SORCS1: variants seen among roughly 807,000 people sequenced by gnomAD.
The protein encoded by SORCS1 is VPS10 domain-containing receptor SorCS1.
SORCS1 carries 60 observed loss-of-function variants against 146.1 expected under a neutral mutation model. The observed-to-expected ratio is 0.41, with a 90% CI of 0.33 to 0.51. SORCS1 has a LOEUF of 0.51. SORCS1 is among the 20% of genes least tolerant of loss of function. The pLI, the probability that SORCS1 is intolerant of heterozygous loss-of-function variation, is 0.21. For synonymous variants in SORCS1, 637 were observed against 584.0 expected, an observed-to-expected ratio of 1.09 and a Z score of -1.31; for missense variants, 1,352 against 1,487.6, an observed-to-expected ratio of 0.91 and a Z score of 1.50.
chr10:106,872,997 A>AC (rs1447468856), intron 2 of SORCS1, among the ~76,000 whole-genome samples: 1 of 152,048 alleles, frequency 6.6e-6, no homozygotes, highest in African/African-American at 2.4e-5. Flanking sequence ...ATATGGTGAA[A>AC]CCCCATCTCT....
At chr10:107,170,890 G>A in the SORCS1 span, among the ~76,000 whole-genome samples, 1 of 152,206 alleles carries the variant, frequency 6.6e-6, no homozygotes, top group East Asian at 1.9e-4. Flanking sequence ...AGGCAGTACA[G>A]TGTGGGGCTT....
chr10:106,817,773 C>T (rs1264182778), intron 3 of SORCS1, among the ~76,000 whole-genome samples: 2 of 152,154 alleles, frequency 1.3e-5, no homozygotes, highest in Non-Finnish European at 2.9e-5. Flanking sequence ...AGACAGGGCC[C>T]TGTGTTATGC....
At chr10:106,707,189 ATTTT>A (rs3044946) in intron 7 of SORCS1, among the ~76,000 whole-genome samples, 1 of 145,156 alleles carries the variant, frequency 6.9e-6, no homozygotes, top group Non-Finnish European at 1.5e-5. Flanking sequence ...ATTTAATTTA[ATTTT>A]TTTTTTTTTT....
intron 6 of SORCS1, among the ~76,000 whole-genome samples, chr10:106,721,543 C>T (rs1305058952): frequency 6.6e-6 from 1 of 152,076 alleles, no homozygotes; most frequent in Admixed American, 6.6e-5. Context: ...TAAGGATATG[C>T]CTTTTTAAAA....
intron 2 of SORCS1, among the ~76,000 whole-genome samples, chr10:106,841,405 G>A (rs950857509): frequency 6.6e-6 from 1 of 152,058 alleles, no homozygotes; most frequent in East Asian, 2.0e-4. Context: ...AGGAGGTGGA[G>A]GTTGAAATGA....
rs57238882 is a variant in SORCS1, at chr10:106,731,292, CAAAAAAAAAAAA to C, written c.960-1190_960-1179del. On this transcript the variant is annotated intron_variant, in intron 5 of 25. Coordinates refer to ENST00000263054, the MANE Select transcript of SORCS1 (RefSeq NM_052918.5). The stretch of plus-strand genomic sequence containing the variant: ...TGGGTGACGGAGTGAGACTCCGTCT[CAAAAAAAAAAAA>C]AAAAAAAAAAAAAAAAAGTACTTAT... Among the ~76,000 whole-genome samples the C allele has an allele frequency of 6.2e-3, 148 of 23,766 alleles. No homozygotes were observed. The Middle Eastern group carries it at 0.1, about 17-fold the overall frequency. The allele number at this position is 23,766 out of a possible 152,430, so 15.6% of individuals were successfully genotyped here. A position where few individuals can be genotyped will look rare whatever the true frequency, so the allele number is the denominator to read the frequency against.
At chr10:106,840,655 C>CAT (rs1346404141) in intron 2 of SORCS1, among the ~76,000 whole-genome samples, 2 of 151,870 alleles carry the variant, frequency 1.3e-5, no homozygotes, top group African/African-American at 2.4e-5. Flanking sequence ...AACAGTATTG[C>CAT]ATGCTACAGA....
chr10:106,811,644 T>C (rs1414206884), intron 3 of SORCS1, among the ~76,000 whole-genome samples: 6 of 152,166 alleles, frequency 3.9e-5, no homozygotes, highest in Admixed American at 2.6e-4. Context: ...GGCATATCTT[T>C]AGGATTTTCA....
At chr10:107,141,292 A>G (rs994469049) in intron 1 of SORCS1, among the ~76,000 whole-genome samples, 6 of 152,176 alleles carry the variant, frequency 3.9e-5, no homozygotes, top group African/African-American at 1.4e-4. Flanking sequence ...AACTCAATGG[A>G]GGGGAGGGGC....
In SORCS1 at chr10:106,577,336, T is replaced by C; in HGVS notation, c.*84A>G. 6.2e-7 allele frequency: 1 copy of C among 1,611,172 alleles called. No homozygotes were observed. Among genetic ancestry groups the C allele is most frequent in the Admixed American group, 1.7e-5 (1 of 59,772 alleles). On this transcript the variant is annotated 3_prime_UTR_variant, in exon 26 of 26. Coordinates refer to ENST00000263054, the MANE Select transcript of SORCS1 (RefSeq NM_052918.5). ...AAAGGAAAGAAAAAAAACACAAAGT[T>C]AGTGGTCATGAAGGATGATGTACTT...
In SORCS1 at chr10:106,829,643, C is replaced by T. The variant is rs779219576; in HGVS notation, c.657G>A (p.Lys219=). 2 of 1,608,220 alleles carry T rather than the reference C, an allele frequency of 1.2e-6. No homozygotes were observed. The highest frequency in any genetic ancestry group is 1.1e-5 in the South Asian group (1 of 90,762). The part of the protein sequence containing the change: ...RSTDYGTTYE[K]LNDKVGLKTI... ...TTTTCAAACCAACTTTATCATTCAG[C>T]TTCTCATAGGTTGTTCCATAATCGG... Residue 219 remains lysine, a synonymous_variant, in exon 3 of 26, where the codon AAG becomes AAA. Coordinates refer to ENST00000263054, the MANE Select transcript of SORCS1 (RefSeq NM_052918.5).
At chr10:107,035,320 C>T (rs977424808) in intron 1 of SORCS1, among the ~76,000 whole-genome samples, 3 of 150,332 alleles carry the variant, frequency 2.0e-5, no homozygotes, top group Admixed American at 2.0e-4. Flanking sequence ...TAACATTACG[C>T]ATGGTTCTCT....
At chr10:107,021,648 G>T (rs1039507696) in intron 1 of SORCS1, among the ~76,000 whole-genome samples, 1 of 150,948 alleles carries the variant, frequency 6.6e-6, no homozygotes, top group African/African-American at 2.4e-5. Flanking sequence ...CTAAGAGCAA[G>T]TATGTTAGAG....
chr10:107,017,032 C>G (rs916944526), intron 1 of SORCS1, among the ~76,000 whole-genome samples: 1 of 152,102 alleles, frequency 6.6e-6, no homozygotes, highest in Non-Finnish European at 1.5e-5. Context: ...AAATGTGGAG[C>G]CACTGGAACT....
chr10:106,677,978 G>A lies in SORCS1; in HGVS notation c.1741-574C>T, dbSNP rs139966297. Among the ~76,000 whole-genome samples the A allele has an allele frequency of 5.6e-4, 86 of 152,250 alleles. No individual in the cohort carries two copies. In the East Asian group the frequency reaches 0.014, roughly 25 times the overall value. On this transcript the variant is annotated intron_variant, in intron 12 of 25. Coordinates refer to ENST00000263054, the MANE Select transcript of SORCS1 (RefSeq NM_052918.5). Reference sequence around the variant, plus strand: ...AGATGTTCCACCAAAATCATGGTGAGTTCTGTTGTCATCTTTGGGTACATG... The same window carrying A: ...AGATGTTCCACCAAAATCATGGTGAATTCTGTTGTCATCTTTGGGTACATG...
intron 1 of SORCS1, among the ~76,000 whole-genome samples, chr10:106,975,889 T>C (rs747053987): frequency 1.3e-5 from 2 of 152,178 alleles, no homozygotes; most frequent in Non-Finnish European, 2.9e-5. Flanking sequence ...GGCTCACACC[T>C]GTAATCCCAG....
intron 23 of SORCS1, among the ~76,000 whole-genome samples, chr10:106,603,195 C>T (rs779424800): frequency 6.6e-6 from 1 of 152,178 alleles, no homozygotes; most frequent in Non-Finnish European, 1.5e-5. Flanking sequence ...TTATTCACCC[C>T]TGAGGACTCC....
intron 3 of SORCS1, among the ~76,000 whole-genome samples, chr10:106,787,906 G>A (rs978863146): frequency 6.6e-6 from 1 of 152,186 alleles, no homozygotes; most frequent in African/African-American, 2.4e-5. Context: ...ATAAGTTCAT[G>A]AAGATACTGT....
rs866450003 is a variant in SORCS1 at position 106,658,880 on chromosome 10, G to T, written c.2304-6327C>A. ...AAAAAGCAGTAGTGGTGGCAGCCTA[G>T]ATTTCCTGATCTCCTATTATATATA... On this transcript the variant is annotated intron_variant, in intron 17 of 25. Transcript: ENST00000263054. Among the ~76,000 whole-genome samples, 9 of 152,270 alleles carry T rather than the reference G, an allele frequency of 5.9e-5. No homozygotes were observed. The South Asian group carries it at 1.7e-3, about 28-fold the overall frequency.
Sources: allele counts gnomAD v4.1 joint callset (sites outside exome capture counted in the v4.1 genomes callset), GRCh38; gene constraint gnomAD v4.1.1; transcripts MANE v1.5; gene names NCBI Gene and HGNC (gene_info 2026-07-23, HGNC 2026-07-21).